Variants in ANKRD17 observed in about 807,000 individuals in gnomAD.
The protein encoded by ANKRD17 is ankyrin repeat domain-containing protein 17.
In ANKRD17, 19 loss-of-function variants were observed where a neutral mutation model predicts 229.7. The observed-to-expected ratio is 0.08, with a 90% CI of 0.06 to 0.12. The LOEUF is 0.12. Among genes scored for constraint, ANKRD17 ranks in the 10% least tolerant of loss-of-function variants. The pLI, the probability that ANKRD17 is intolerant of heterozygous loss-of-function variation, is 1.00. For synonymous variants in ANKRD17, 1,112 were observed against 1,146.1 expected (o/e 0.97, Z 0.60); for missense variants, 2,176 against 3,176.8 (o/e 0.68, Z 7.57).
Position 73,076,170 on chromosome 4 carries a change from TCGGCCAC to T in ANKRD17, c.*54_*60del. ...TGATTTGGGAGCATAATTTTTTTTT[TCGGCCAC>T]TTGTGATTTCCTCCAAATGAAAAGG... On this transcript the variant is annotated 3_prime_UTR_variant, in exon 34 of 34. Coordinates refer to ENST00000358602, the MANE Select transcript of ANKRD17 (RefSeq NM_032217.5). 4.0e-6 allele frequency: 6 copies of T among 1,500,982 alleles called. No individual in the cohort carries two copies. Among genetic ancestry groups the T allele is most frequent in the Admixed American group, 4.2e-5 (2 of 47,930 alleles). The allele number at this position is 1,500,982 out of a possible 1,614,324, so 93.0% of individuals were successfully genotyped here.
intron 8 of ANKRD17, among the ~76,000 whole-genome samples, chr4:73,148,485 C>T (rs958462999): frequency 6.6e-6 from 1 of 152,150 alleles, no homozygotes; most frequent in African/African-American, 2.4e-5. Context: ...ATTCCGCCCC[C>T]AAAGGAATAC....
chr4:73,180,586 A>G (rs1735419997), intron 1 of ANKRD17, among the ~76,000 whole-genome samples: 1 of 152,218 alleles, frequency 6.6e-6, no homozygotes, highest in Non-Finnish European at 1.5e-5. Context: ...TTCTCACTAT[A>G]TGCAAAACTT....
At chr4:73,170,536 G>A (rs542088949) in intron 2 of ANKRD17, among the ~76,000 whole-genome samples, 46 of 151,634 alleles carry the variant, frequency 3.0e-4, no homozygotes, top group East Asian at 9.8e-4. Context: ...AGTTGGGGTC[G>A]GGGGGCGGGG....
chr4:73,193,826 C>T (rs746187394), intron 1 of ANKRD17, among the ~76,000 whole-genome samples: 6 of 152,014 alleles, frequency 3.9e-5, no homozygotes, highest in Non-Finnish European at 7.4e-5. Flanking sequence ...CCCAAGTACT[C>T]GGGGCTGGGG....
At chr4:73,222,014 C>G (rs1402793626) in intron 1 of ANKRD17, among the ~76,000 whole-genome samples, 1 of 152,092 alleles carries the variant, frequency 6.6e-6, no homozygotes, top group African/African-American at 2.4e-5. Flanking sequence ...AGCCCTCTCC[C>G]CACAGTAAAA....
At chr4:73,210,445 ATGAG>A (rs1229484053) in intron 1 of ANKRD17, among the ~76,000 whole-genome samples, 2 of 152,172 alleles carry the variant, frequency 1.3e-5, no homozygotes, top group African/African-American at 2.4e-5. Context: ...ATATAAATAA[ATGAG>A]TGTGTGTGTA....
chr4:73,223,276 C>G (rs1402617246), intron 1 of ANKRD17, among the ~76,000 whole-genome samples: 1 of 152,118 alleles, frequency 6.6e-6, no homozygotes, highest in Admixed American at 6.5e-5. Context: ...AATAAAGTCT[C>G]TTATTTTACC....
At position 73,115,878 on chromosome 4, in the gene ANKRD17, G is replaced by T. The variant is rs769483460; in HGVS notation, c.4227C>A (p.Val1409=). The T allele has an allele frequency of 5.0e-6, 8 of 1,613,602 alleles. No homozygotes were observed. Among genetic ancestry groups the T allele is most frequent in the Non-Finnish European group, 6.8e-6 (8 of 1,179,940 alleles). Residue 1409 remains valine, a synonymous_variant, in exon 23 of 34, where the codon GTC becomes GTA. Coordinates refer to ENST00000358602, the MANE Select transcript of ANKRD17 (RefSeq NM_032217.5). Reference sequence around the variant, plus strand: ...ATTCAGAATCTGATGGAAACTGATTGACTTCTTTGACTAAGTAGCGCACCA... The same window carrying T: ...ATTCAGAATCTGATGGAAACTGATTTACTTCTTTGACTAAGTAGCGCACCA... ...VKVVRYLVKE[V]NQFPSDSECM...
Position 73,139,694 on chromosome 4 carries a change from G to A in ANKRD17, c.2922C>T (p.Ile974=), listed in dbSNP as rs371578807. ...CTCCTTGCAGTTCTGTAAGATTTGC[G>A]ATGGACCCTGGAGGCAAGGGACCTG... is the stretch of plus-strand genomic sequence containing the variant. ...LAAGPLPPGS[I]ANLTELQGVI... The change falls in exon 15 of 34, where the codon ATC becomes ATT. Residue 974 remains isoleucine (I), a synonymous_variant. Coordinates refer to ENST00000358602, the MANE Select transcript of ANKRD17 (RefSeq NM_032217.5). 1.8e-5 allele frequency: 29 copies of A among 1,614,126 alleles called. No individual in the cohort carries two copies. Among genetic ancestry groups the A allele is most frequent in the Non-Finnish European group, 2.2e-5 (26 of 1,180,018 alleles).
At chr4:73,193,493 A>G (rs2149075204) in intron 1 of ANKRD17, among the ~76,000 whole-genome samples, 1 of 152,302 alleles carries the variant, frequency 6.6e-6, no homozygotes, top group East Asian at 1.9e-4. Flanking sequence ...CAGTTGCTAC[A>G]TATTCTCACT....
intron 1 of ANKRD17, among the ~76,000 whole-genome samples, chr4:73,255,725 A>C (rs1745392772): frequency 6.6e-6 from 1 of 151,756 alleles, no homozygotes; most frequent in East Asian, 1.9e-4. Flanking sequence ...TTAAATGGGT[A>C]CACTTTTTTT....
chr4:73,165,574 G>A (rs1291453996), intron 2 of ANKRD17, among the ~76,000 whole-genome samples: 4 of 152,108 alleles, frequency 2.6e-5, no homozygotes, highest in Non-Finnish European at 5.9e-5. Flanking sequence ...CGTCCCTGAT[G>A]TACACATCCT....
intron 16 of ANKRD17, among the ~76,000 whole-genome samples, chr4:73,129,415 T>C (rs1727893011): frequency 6.6e-6 from 1 of 152,156 alleles, no homozygotes; most frequent in South Asian, 2.1e-4. Flanking sequence ...AGCACTGAAC[T>C]GTGTGAAGTG....
intron 28 of ANKRD17, 112 bp from the exon 29 acceptor site, chr4:73,092,412 AC>A: frequency 2.6e-6 from 2 of 780,854 alleles, no homozygotes; most frequent in Non-Finnish European, 4.0e-6. Flanking sequence ...GTGTGTATAT[AC>A]ATACACACAT....
At chr4:73,082,175 AGG>A (rs1295374094) in intron 30 of ANKRD17, among the ~76,000 whole-genome samples, 4 of 113,534 alleles carry the variant, frequency 3.5e-5, no homozygotes, top group Admixed American at 9.0e-5. Context: ...AAAAAAAAAA[AGG>A]GGGGCCAAGC....
chr4:73,214,847 TAA>T (rs766995925), intron 1 of ANKRD17, among the ~76,000 whole-genome samples: 11 of 85,578 alleles, frequency 1.3e-4, no homozygotes, highest in African/African-American at 3.9e-4. Context: ...TCGTCTCTAT[TAA>T]AAAAAAAAAA....
chr4:73,161,166 A>T, intron 3 of ANKRD17, 26 bp downstream of exon 3: 1 of 1,606,354 alleles, frequency 6.2e-7, no homozygotes, highest in Non-Finnish European at 8.5e-7. Flanking sequence ...ATGATTTCAT[A>T]CTGATGGCAG....
chr4:73,135,189 A>C lies in ANKRD17; in HGVS notation c.3162T>G (p.Thr1054=). 2 of 1,613,906 alleles carry C rather than the reference A, an allele frequency of 1.2e-6. No homozygotes were observed. Among genetic ancestry groups the C allele is most frequent in the Non-Finnish European group, 1.7e-6 (2 of 1,179,824 alleles). The change falls in exon 16 of 34, where the codon ACT becomes ACG. Residue 1054 remains threonine, a synonymous_variant. Coordinates refer to ENST00000358602, the MANE Select transcript of ANKRD17 (RefSeq NM_032217.5). ...GAGAGATGATAGGACTTGGAGTTGG[A>C]GTCTGAGGTTGGGAAATGGATGCAG... The part of the protein sequence containing the change: ...SIAASISQPQ[T]PTPSPIISPS...
At chr4:73,253,821 G>A (rs1220066662) in intron 1 of ANKRD17, among the ~76,000 whole-genome samples, 2 of 152,150 alleles carry the variant, frequency 1.3e-5, no homozygotes, top group Non-Finnish European at 2.9e-5. Flanking sequence ...TTAAGAAATT[G>A]GAAAATGTTG....
Sources: gnomAD v4.1 joint callset for allele counts (sites outside exome capture counted in the v4.1 genomes callset) on GRCh38, gnomAD v4.1.1 for gene constraint, MANE v1.5 for transcripts, NCBI Gene and HGNC (gene_info 2026-07-23, HGNC 2026-07-21) for gene names.